Variants in NELL1 observed in about 807,000 individuals in gnomAD.
NELL1 encodes neural EGFL like 1, also known as protein kinase C-binding protein NELL1.
Under a neutral mutation model 107.4 loss-of-function variants are expected in NELL1, and 76 were observed. The ratio of observed to expected loss-of-function variants is 0.71; its 90% CI spans 0.59 to 0.86. NELL1 has a LOEUF of 0.86. Among genes scored for constraint, NELL1 ranks in the 40% least tolerant of loss-of-function variants. The probability of loss-of-function intolerance (pLI) is 0.00; values close to 1 mark genes in which losing one functional copy is unlikely to be tolerated. For missense variants in NELL1, 1,024 were observed against 1,005.5 expected, an observed-to-expected ratio of 1.02 and a Z score of -0.25; for synonymous variants, 353 against 341.2, an observed-to-expected ratio of 1.03 and a Z score of -0.38.
chr11:21,491,328 T>C (rs1225353911), intron 15 of NELL1, among the ~76,000 whole-genome samples: 1 of 152,204 alleles, frequency 6.6e-6, no homozygotes, highest in East Asian at 1.9e-4. Context: ...TCTATGGTTT[T>C]AGGTCTAACG....
chr11:21,048,432 TATG>T (rs1385228857), intron 12 of NELL1, among the ~76,000 whole-genome samples: 1 of 152,178 alleles, frequency 6.6e-6, no homozygotes, highest in Non-Finnish European at 1.5e-5. Context: ...CATTCCTAAT[TATG>T]ATGATCTGTC....
At chr11:21,016,270 AAATT>A (rs564272938) in intron 12 of NELL1, among the ~76,000 whole-genome samples, 1 of 152,130 alleles carries the variant, frequency 6.6e-6, no homozygotes, top group Non-Finnish European at 1.5e-5. Context: ...AGGTGAAGAT[AAATT>A]AACTAGAGAA....
intron 15 of NELL1, among the ~76,000 whole-genome samples, chr11:21,518,534 C>T (rs1812793922): frequency 6.6e-6 from 1 of 152,146 alleles, no homozygotes; most frequent in African/African-American, 2.4e-5. Flanking sequence ...AATTAAAAAT[C>T]AAATTGTATT....
intron 2 of NELL1, among the ~76,000 whole-genome samples, chr11:20,699,054 T>C (rs1461046219): frequency 6.6e-6 from 1 of 151,836 alleles, no homozygotes; most frequent in African/African-American, 2.4e-5. Flanking sequence ...CTGTCTCTAC[T>C]AAAAATACAA....
intron 3 of NELL1, among the ~76,000 whole-genome samples, chr11:20,805,230 T>C (rs551499617): frequency 2.6e-5 from 4 of 152,316 alleles, no homozygotes; most frequent in Non-Finnish European, 4.4e-5. Flanking sequence ...GCTTCTGTTT[T>C]TGTTTTTACA....
In NELL1 at chr11:20,778,498, C is replaced by CTTT. The variant is rs1161737750; in HGVS notation, c.185-5160_185-5158dup. Among the ~76,000 whole-genome samples, 309 of 72,898 alleles carry CTTT rather than the reference C, an allele frequency of 4.2e-3. 1 individual carries two copies. Among genetic ancestry groups the CTTT allele is most frequent in the African/African-American group, 6.3e-3 (103 of 16,378 alleles). 47.8% of individuals were successfully genotyped at this position (72,898 alleles called of 152,430 possible). On this transcript the variant is annotated intron_variant, in intron 2 of 19. Transcript: ENST00000357134. Reference sequence around the variant, plus strand: ...TCCAATCTCCTCCCTTCACCCAGCACTTTTTTTTTTTTTTTTTTTTTTTTG... The same window carrying CTTT: ...TCCAATCTCCTCCCTTCACCCAGCACTTTTTTTTTTTTTTTTTTTTTTTTTTTG...
Position 21,173,402 on chromosome 11 carries a change from A to G in NELL1, c.1427-55930A>G, listed in dbSNP as rs373674989. Among the ~76,000 whole-genome samples the G allele has an allele frequency of 4.5e-3, 678 of 151,936 alleles. 25 individuals are homozygous for G. Among genetic ancestry groups the G allele is most frequent in the African/African-American group, 0.016 (646 of 41,252 alleles). On this transcript the variant is annotated intron_variant, in intron 13 of 19. Coordinates refer to ENST00000357134, the MANE Select transcript of NELL1 (RefSeq NM_006157.5). ...TATCAGATTTACCAAGCACTTTCAC[A>G]TTCTTTTTTTCTAATTTAACAGCTT... is the stretch of plus-strand genomic sequence containing the variant.
At chr11:21,388,571 C>T (rs554894986) in intron 15 of NELL1, among the ~76,000 whole-genome samples, 4 of 151,766 alleles carry the variant, frequency 2.6e-5, no homozygotes, top group East Asian at 1.9e-4. Flanking sequence ...GTTTAATTCC[C>T]GTATTACCCA....
intron 5 of NELL1, among the ~76,000 whole-genome samples, chr11:20,901,636 C>G (rs978134296): frequency 6.6e-6 from 1 of 150,586 alleles, no homozygotes; most frequent in Admixed American, 6.6e-5. Context: ...CCAAGAATAA[C>G]TAAGACATTT....
chr11:20,990,439 C>A (rs1033821219), intron 12 of NELL1, among the ~76,000 whole-genome samples: 1 of 152,234 alleles, frequency 6.6e-6, no homozygotes, highest in Non-Finnish European at 1.5e-5. Flanking sequence ...AACATACATT[C>A]TTGACATGGC....
intron 13 of NELL1, among the ~76,000 whole-genome samples, chr11:21,228,801 T>A (rs183445888): frequency 8.9e-4 from 131 of 147,360 alleles, no homozygotes; most frequent in African/African-American, 3.1e-3. Context: ...AGGTTTCCAA[T>A]TGTGGATGTT....
At chr11:21,349,894 G>A (rs1436030260) in intron 14 of NELL1, among the ~76,000 whole-genome samples, 1 of 151,900 alleles carries the variant, frequency 6.6e-6, no homozygotes, top group Non-Finnish European at 1.5e-5. Context: ...ATTTGATATG[G>A]CCTTTTATTA....
chr11:21,244,270 T>G (rs1278484088), intron 14 of NELL1, among the ~76,000 whole-genome samples: 2 of 152,258 alleles, frequency 1.3e-5, no homozygotes, highest in Non-Finnish European at 2.9e-5. Context: ...AGAGCAGACA[T>G]AATGATTTTC....
intron 12 of NELL1, among the ~76,000 whole-genome samples, chr11:21,072,867 G>A (rs751569387): frequency 6.6e-6 from 1 of 152,146 alleles, no homozygotes; most frequent in African/African-American, 2.4e-5. Context: ...AGCCATATGT[G>A]TACATTTTAG....
At chr11:21,405,372 G>A (rs1163334678) in intron 15 of NELL1, among the ~76,000 whole-genome samples, 2 of 137,204 alleles carry the variant, frequency 1.5e-5, no homozygotes, top group African/African-American at 2.8e-5. Flanking sequence ...TGTTTTACCT[G>A]TTGTAAAAAG....
At chr11:21,036,906 A>G (rs908067357) in intron 12 of NELL1, among the ~76,000 whole-genome samples, 1 of 152,078 alleles carries the variant, frequency 6.6e-6, no homozygotes, top group East Asian at 1.9e-4. Flanking sequence ...GTATTAGATA[A>G]TACTATTATC....
chr11:20,684,490 C>G (rs1854261089), intron 2 of NELL1, among the ~76,000 whole-genome samples: 1 of 152,030 alleles, frequency 6.6e-6, no homozygotes, highest in African/African-American at 2.4e-5. Flanking sequence ...CTACCTAACT[C>G]TTTGAATATA....
At chr11:20,944,807 A>G (rs1850929752) in intron 10 of NELL1, among the ~76,000 whole-genome samples, 1 of 152,210 alleles carries the variant, frequency 6.6e-6, no homozygotes, top group South Asian at 2.1e-4. Flanking sequence ...CCATTTAAAT[A>G]TTTGGGATTA....
intron 13 of NELL1, among the ~76,000 whole-genome samples, chr11:21,137,545 T>C (rs1281559016): frequency 2.0e-5 from 3 of 152,094 alleles, no homozygotes; most frequent in Non-Finnish European, 4.4e-5. Context: ...CGGGTAGAAT[T>C]TGGAGGGTTT....
Sources: gnomAD v4.1 joint callset for allele counts (sites outside exome capture counted in the v4.1 genomes callset) on GRCh38, gnomAD v4.1.1 for gene constraint, MANE v1.5 for transcripts, NCBI Gene and HGNC (gene_info 2026-07-23, HGNC 2026-07-21) for gene names.